TENM3: variants seen among roughly 807,000 people sequenced by gnomAD.
TENM3 encodes teneurin transmembrane protein 3.
Under a neutral mutation model 255.1 loss-of-function variants are expected in TENM3, and 63 were observed. That is an observed-to-expected ratio of 0.25 (90% CI 0.20 to 0.30). The LOEUF (loss-of-function observed/expected upper bound fraction) is 0.30. Ranked by LOEUF, TENM3 falls within the 10% of genes least tolerant of loss-of-function variation. The pLI, the probability that TENM3 is intolerant of heterozygous loss-of-function variation, is 1.00. For synonymous variants in TENM3, 1,306 were observed against 1,322.3 expected (o/e 0.99, Z 0.27); for missense variants, 2,929 against 3,461.1 (o/e 0.85, Z 3.86).
the TENM3 span, among the ~76,000 whole-genome samples, chr4:181,934,887 T>A: frequency 1.3e-5 from 2 of 151,994 alleles, no homozygotes; most frequent in Non-Finnish European, 2.9e-5. Context: ...GATTTTTTAA[T>A]GAAAAAAATT....
At chr4:181,758,970 A>G in the TENM3 span, among the ~76,000 whole-genome samples, 4 of 152,192 alleles carry the variant, frequency 2.6e-5, no homozygotes, top group African/African-American at 9.6e-5. Flanking sequence ...AAACAAACTC[A>G]TGTTTTACAA....
the TENM3 span, among the ~76,000 whole-genome samples, chr4:181,961,471 A>AGT: frequency 3.3e-5 from 5 of 152,042 alleles, no homozygotes; most frequent in Non-Finnish European, 7.4e-5. Context: ...CCTAGGCTGG[A>AGT]GCGTAGTGTG....
At chr4:181,745,546 T>C in the TENM3 span, among the ~76,000 whole-genome samples, 2 of 152,254 alleles carry the variant, frequency 1.3e-5, no homozygotes, top group South Asian at 4.1e-4. Flanking sequence ...CTGAGGTCCA[T>C]GAGAGGGGAT....
chr4:182,682,742 C>G (rs1020262982), intron 11 of TENM3, among the ~76,000 whole-genome samples: 2 of 151,974 alleles, frequency 1.3e-5, no homozygotes, highest in African/African-American at 4.8e-5. Context: ...TGATTTTTTT[C>G]AAGCCTATTT....
At chr4:182,154,661 G>A (rs1750582573) in intron 1 of TENM3, among the ~76,000 whole-genome samples, 1 of 152,098 alleles carries the variant, frequency 6.6e-6, no homozygotes, top group African/African-American at 2.4e-5. Flanking sequence ...TACCTCCTCA[G>A]TACAGTCTGC....
chr4:182,255,266 G>A (rs1188149920), intron 1 of TENM3, among the ~76,000 whole-genome samples: 6 of 152,074 alleles, frequency 3.9e-5, no homozygotes, highest in Non-Finnish European at 8.8e-5. Flanking sequence ...TAGGAGTTCT[G>A]TAAGCGCATC....
chr4:182,105,864 T>C, the TENM3 span, among the ~76,000 whole-genome samples: 1 of 152,212 alleles, frequency 6.6e-6, no homozygotes, highest in African/African-American at 2.4e-5. Context: ...TGATGAGGAA[T>C]TACTTAATAG....
At chr4:182,752,268 C>T (rs1762428401) in intron 20 of TENM3, among the ~76,000 whole-genome samples, 1 of 145,956 alleles carries the variant, frequency 6.9e-6, no homozygotes, top group African/African-American at 2.5e-5. Context: ...TTTTTATTAT[C>T]ATACCATTTT....
At chr4:182,549,369 A>T (rs1193131555) in intron 3 of TENM3, among the ~76,000 whole-genome samples, 1 of 152,242 alleles carries the variant, frequency 6.6e-6, no homozygotes. Flanking sequence ...AGGAGTAGTT[A>T]CCACTCTAGG....
At chr4:182,117,209 G>A in the TENM3 span, among the ~76,000 whole-genome samples, 3 of 152,060 alleles carry the variant, frequency 2.0e-5, no homozygotes, top group Admixed American at 6.6e-5. Flanking sequence ...TGTGTCTTCT[G>A]CAAATATCTT....
chr4:182,320,126 C>G (rs1343915459), intron 1 of TENM3, among the ~76,000 whole-genome samples: 2 of 151,446 alleles, frequency 1.3e-5, no homozygotes, highest in Non-Finnish European at 2.9e-5. Flanking sequence ...AAAAAAAAAT[C>G]CAAAGAGAAT....
At chr4:181,687,622 G>A in the TENM3 span, among the ~76,000 whole-genome samples, 2 of 152,168 alleles carry the variant, frequency 1.3e-5, no homozygotes, top group Admixed American at 1.3e-4. Context: ...TGGCAGTCTA[G>A]GTGAAGTCTG....
chr4:182,177,810 G>A (rs1289635398), intron 1 of TENM3, among the ~76,000 whole-genome samples: 1 of 151,898 alleles, frequency 6.6e-6, no homozygotes, highest in Non-Finnish European at 1.5e-5. Flanking sequence ...TTACAACCAT[G>A]AGCCACTGTG....
At chr4:181,835,725 T>G in the TENM3 span, among the ~76,000 whole-genome samples, 11 of 152,242 alleles carry the variant, frequency 7.2e-5, no homozygotes, top group Non-Finnish European at 1.5e-5. Context: ...CAAACCTTGG[T>G]GTTTTTTAGT....
chr4:182,207,261 G>A (rs941327126), intron 1 of TENM3, among the ~76,000 whole-genome samples: 1 of 152,200 alleles, frequency 6.6e-6, no homozygotes, highest in East Asian at 1.9e-4. Flanking sequence ...CTTCAAGGGG[G>A]AGAATGTCCT....
At chr4:181,589,008 G>A in the TENM3 span, among the ~76,000 whole-genome samples, 6 of 152,136 alleles carry the variant, frequency 3.9e-5, no homozygotes, top group Non-Finnish European at 7.3e-5. Flanking sequence ...TCATTATTTA[G>A]ACATCATATA....
chr4:181,930,885 C>T, the TENM3 span, among the ~76,000 whole-genome samples: 1 of 152,140 alleles, frequency 6.6e-6, no homozygotes, highest in African/African-American at 2.4e-5. Flanking sequence ...AAATGTAATC[C>T]ATTACATAAA....
At chr4:181,654,646 C>T in the TENM3 span, among the ~76,000 whole-genome samples, 5 of 150,150 alleles carry the variant, frequency 3.3e-5, no homozygotes, top group African/African-American at 4.9e-5. Flanking sequence ...CCCAGCTACT[C>T]GGGAGGCTGA....
the TENM3 span, chr4:181,906,020 C>A: frequency 2.2e-6 from 1 of 455,674 alleles, no homozygotes; most frequent in South Asian, 1.9e-5. Context: ...TATCTCGTAA[C>A]AGTGACAAGC....
Sources: allele counts gnomAD v4.1 joint callset (sites outside exome capture counted in the v4.1 genomes callset), GRCh38; gene constraint gnomAD v4.1.1; transcripts MANE v1.5; gene names NCBI Gene and HGNC (gene_info 2026-07-23, HGNC 2026-07-21).